The following TAS2R1 variants were observed in gnomAD, a reference collection of about 807,000 sequenced individuals.
TAS2R1 encodes taste receptor type 2 member 1.
For synonymous variants in TAS2R1, 141 were observed against 134.2 expected (o/e 1.05, Z -0.35); for missense variants, 370 against 353.4 (o/e 1.05, Z -0.38).
the TAS2R1 span, among the ~76,000 whole-genome samples, chr5:9,842,055 A>G: frequency 6.6e-6 from 1 of 152,146 alleles, no homozygotes; most frequent in Non-Finnish European, 1.5e-5. Flanking sequence ...ACTTATCTGT[A>G]AGTAAGGTGA....
rs150846893 is a variant in TAS2R1 at position 9,644,682 on chromosome 5, T to C, written c.-80-14690A>G. ...ATAGAGGATATTGAAAGCCATGAGG[T>C]TGGTTAAGATTATGTAGGGATGAGA... On this transcript the variant is annotated intron_variant, in intron 2 of 2. Coordinates refer to the TAS2R1 transcript ENST00000506620. Among the ~76,000 whole-genome samples, 620 of 152,172 alleles carry C rather than the reference T, an allele frequency of 4.1e-3. 7 individuals carry two copies. Among genetic ancestry groups the C allele is most frequent in the African/African-American group, 0.014 (580 of 41,512 alleles).
At chr5:9,807,626 G>A in the TAS2R1 span, among the ~76,000 whole-genome samples, 2 of 152,096 alleles carry the variant, frequency 1.3e-5, no homozygotes, top group Non-Finnish European at 2.9e-5. Flanking sequence ...AATTGGAGAT[G>A]GAATTGGAGA....
At chr5:9,664,031 C>A (rs1486691709) in intron 1 of TAS2R1, among the ~76,000 whole-genome samples, 1 of 152,146 alleles carries the variant, frequency 6.6e-6, no homozygotes, top group Non-Finnish European at 1.5e-5. Context: ...CTTCTCATCT[C>A]CAGGACTGTG....
At chr5:9,741,042 A>C in the TAS2R1 span, among the ~76,000 whole-genome samples, 7,427 of 152,258 alleles carry the variant, frequency 0.049, 535 homozygotes, top group East Asian at 0.19. Flanking sequence ...CTCATTAAAT[A>C]CTGAACAGGA....
At chr5:9,879,569 A>G in the TAS2R1 span, among the ~76,000 whole-genome samples, 2 of 152,346 alleles carry the variant, frequency 1.3e-5, no homozygotes, top group East Asian at 3.9e-4. Context: ...TCGACGCAAG[A>G]CAACAATCAG....
the TAS2R1 span, among the ~76,000 whole-genome samples, chr5:9,730,471 G>A: frequency 4.6e-5 from 7 of 152,148 alleles, no homozygotes; most frequent in East Asian, 1.9e-4. Context: ...AAATAAAGGC[G>A]CTGCCACACC....
intron 1 of TAS2R1, among the ~76,000 whole-genome samples, chr5:9,698,764 A>G (rs1441534314): frequency 6.6e-6 from 1 of 152,210 alleles, no homozygotes; most frequent in Non-Finnish European, 1.5e-5. Flanking sequence ...TGTGAGTGCC[A>G]GGGACAAGTG....
the TAS2R1 span, among the ~76,000 whole-genome samples, chr5:9,758,932 T>C: frequency 6.6e-6 from 1 of 152,274 alleles, no homozygotes; most frequent in Middle Eastern, 3.4e-3. Context: ...ACTTTCCTCA[T>C]GAATTCATGA....
chr5:9,705,838 G>T (rs1741596533), intron 1 of TAS2R1, among the ~76,000 whole-genome samples: 1 of 151,678 alleles, frequency 6.6e-6, no homozygotes, highest in Admixed American at 6.6e-5. Context: ...CTCCAGCCTG[G>T]GAGACAAGAG....
the TAS2R1 span, among the ~76,000 whole-genome samples, chr5:9,809,225 T>C: frequency 6.6e-6 from 1 of 152,192 alleles, no homozygotes; most frequent in Non-Finnish European, 1.5e-5. Context: ...GATGCTAGAA[T>C]AAGTTAAAAT....
chr5:9,689,098 C>T (rs1199410147), intron 1 of TAS2R1, among the ~76,000 whole-genome samples: 1 of 152,130 alleles, frequency 6.6e-6, no homozygotes, highest in African/African-American at 2.4e-5. Flanking sequence ...CAATGGAGGA[C>T]CTCGATTCTT....
chr5:9,887,594 C>A, the TAS2R1 span, among the ~76,000 whole-genome samples: 1 of 152,186 alleles, frequency 6.6e-6, no homozygotes, highest in Admixed American at 6.5e-5. Flanking sequence ...TTCTCCTGAA[C>A]CACACTCTAT....
chr5:9,770,536 C>A, the TAS2R1 span, among the ~76,000 whole-genome samples: 2 of 152,076 alleles, frequency 1.3e-5, no homozygotes, highest in Admixed American at 1.3e-4. Flanking sequence ...TTGATTCTTC[C>A]AAACTGTAAA....
chr5:9,689,021 C>T (rs181917543), intron 1 of TAS2R1, among the ~76,000 whole-genome samples: 1 of 152,266 alleles, frequency 6.6e-6, no homozygotes, highest in East Asian at 1.9e-4. Context: ...TTTTCATCTG[C>T]TAATACAAGG....
chr5:9,781,949 C>T, the TAS2R1 span, among the ~76,000 whole-genome samples: 1 of 152,164 alleles, frequency 6.6e-6, no homozygotes, highest in Non-Finnish European at 1.5e-5. Flanking sequence ...GGTCTTTCTT[C>T]CCCATTAAAA....
the TAS2R1 span, among the ~76,000 whole-genome samples, chr5:9,882,923 TG>T: frequency 6.6e-6 from 1 of 152,206 alleles, no homozygotes; most frequent in African/African-American, 2.4e-5. Context: ...GACACATGCA[TG>T]CATATGTTCA....
At chr5:9,887,030 G>C in the TAS2R1 span, among the ~76,000 whole-genome samples, 24 of 152,240 alleles carry the variant, frequency 1.6e-4, no homozygotes, top group Admixed American at 4.6e-4. Flanking sequence ...TTTTGGGAAT[G>C]GAATTGCTGG....
At chr5:9,827,714 T>G in the TAS2R1 span, among the ~76,000 whole-genome samples, 1 of 152,134 alleles carries the variant, frequency 6.6e-6, no homozygotes, top group Admixed American at 6.5e-5. Flanking sequence ...ACCTGGAAGG[T>G]TGAGGCTACA....
chr5:9,765,300 AAG>A, the TAS2R1 span, among the ~76,000 whole-genome samples: 1 of 152,198 alleles, frequency 6.6e-6, no homozygotes, highest in Non-Finnish European at 1.5e-5. Context: ...TTCTTGTCTT[AAG>A]AGAGACAAAT....
Sources: allele counts gnomAD v4.1 joint callset (sites outside exome capture counted in the v4.1 genomes callset), GRCh38; gene constraint gnomAD v4.1.1; transcripts MANE v1.5; gene names NCBI Gene and HGNC (gene_info 2026-07-23, HGNC 2026-07-21).